The following ARID4B variants were observed in gnomAD, a reference collection of about 807,000 sequenced individuals.
ARID4B encodes AT-rich interaction domain 4B.
ARID4B carries 26 observed loss-of-function variants against 147.5 expected under a neutral mutation model. The ratio of observed to expected loss-of-function variants is 0.18; its 90% confidence interval spans 0.13 to 0.24. The LOEUF is 0.24. Ranked by LOEUF, ARID4B falls within the 10% of genes least tolerant of loss-of-function variation. ARID4B has a pLI of 1.00. For synonymous variants in ARID4B, 512 were observed against 507.9 expected (o/e 1.01, Z -0.11); for missense variants, 1,179 against 1,511.5 (o/e 0.78, Z 3.65).
At chr1:235,287,857 G>T (rs1933251) in intron 2 of ARID4B, among the ~76,000 whole-genome samples, 69,964 of 151,950 alleles carry the variant, frequency 0.46, 16,440 homozygotes, top group South Asian at 0.6. Flanking sequence ...ACATCCCTCG[G>T]GGACATAACT....
intron 19 of ARID4B, among the ~76,000 whole-genome samples, chr1:235,188,078 T>G (rs559007181): frequency 9.3e-4 from 142 of 152,232 alleles, no homozygotes; most frequent in African/African-American, 3.3e-3. Context: ...TGTGAGTGTC[T>G]ATTACACATA....
At chr1:235,268,985 A>G (rs541088736) in intron 2 of ARID4B, among the ~76,000 whole-genome samples, 2 of 152,304 alleles carry the variant, frequency 1.3e-5, no homozygotes, top group South Asian at 2.1e-4. Context: ...CAAATGGGGG[A>G]AAGTTTGAGC....
At chr1:235,215,727 C>A (rs1558210585) in intron 16 of ARID4B, among the ~76,000 whole-genome samples, 1 of 151,724 alleles carries the variant, frequency 6.6e-6, no homozygotes, top group African/African-American at 2.4e-5. Context: ...GGACTACAGG[C>A]ACACACCACC....
chr1:235,252,682 C>A, intron 6 of ARID4B, 48 bp downstream of exon 6: 1 of 1,546,832 alleles, frequency 6.5e-7, no homozygotes, highest in Non-Finnish European at 8.8e-7. Context: ...ATTTATTCCT[C>A]CCAATAAAAA....
chr1:235,260,365 A>C (rs1377464038), intron 3 of ARID4B, among the ~76,000 whole-genome samples: 6 of 152,330 alleles, frequency 3.9e-5, no homozygotes, highest in Admixed American at 3.3e-4. Context: ...GAAGCAATTA[A>C]ACTAGATGAC....
intron 2 of ARID4B, among the ~76,000 whole-genome samples, chr1:235,307,736 G>A (rs1673682944): frequency 6.6e-6 from 1 of 152,206 alleles, no homozygotes; most frequent in Non-Finnish European, 1.5e-5. Flanking sequence ...AAAATTACTT[G>A]TGGCAATATA....
At position 235,231,144 on chromosome 1, in the gene ARID4B, A is replaced by G. The variant is rs1668201714; in HGVS notation, c.711T>C (p.Thr237=). The change falls in exon 10 of 24, where the codon ACT becomes ACC. Residue 237 remains threonine, a synonymous_variant. Coordinates refer to ENST00000264183, the MANE Select transcript of ARID4B (RefSeq NM_016374.6). ...TTAAAACAGCATCAGGCTTTGGTGC[A>G]GTGTCACTAGTAATTTCATGGACAT... ...RKDVHEITSD[T]APKPDAVLKQ... 6.3e-7 allele frequency: 1 copy of G among 1,592,972 alleles called. No individual in the cohort carries two copies. Among genetic ancestry groups the G allele is most frequent in the South Asian group, 1.2e-5 (1 of 85,764 alleles).
chr1:235,267,608 G>A (rs1476051227), intron 2 of ARID4B, among the ~76,000 whole-genome samples: 1 of 152,128 alleles, frequency 6.6e-6, no homozygotes, highest in Non-Finnish European at 1.5e-5. Context: ...CGAGGCGGGT[G>A]GATCACGAGG....
At chr1:235,194,646 C>A (rs1008229650) in intron 18 of ARID4B, among the ~76,000 whole-genome samples, 9 of 152,084 alleles carry the variant, frequency 5.9e-5, no homozygotes, top group Admixed American at 4.6e-4. Flanking sequence ...CATGGAGAAA[C>A]CCCGTCTCTA....
intron 2 of ARID4B, among the ~76,000 whole-genome samples, chr1:235,302,177 A>C (rs1397600121): frequency 9.2e-5 from 11 of 120,174 alleles, no homozygotes; most frequent in Non-Finnish European, 1.2e-4. Flanking sequence ...AAAAAAAAAA[A>C]CAGCAAAAAA....
At chr1:235,194,539 G>A (rs999476800) in intron 18 of ARID4B, among the ~76,000 whole-genome samples, 1 of 152,114 alleles carries the variant, frequency 6.6e-6, no homozygotes, top group Admixed American at 6.5e-5. Flanking sequence ...TAAAAAAAGA[G>A]GCCAGGTGAG....
intron 2 of ARID4B, 135 bp downstream of exon 2, chr1:235,326,779 G>T (rs771116646): frequency 1.3e-4 from 146 of 1,133,734 alleles, no homozygotes; most frequent in Non-Finnish European, 1.8e-4. Context: ...TCTCTCTGGG[G>T]AAGGGCTCGG....
chr1:235,267,766 T>C (rs1288452447), intron 2 of ARID4B, among the ~76,000 whole-genome samples: 2 of 152,038 alleles, frequency 1.3e-5, no homozygotes, highest in East Asian at 3.9e-4. Flanking sequence ...TAGCCGGGCA[T>C]GGTGGTGGGC....
intron 2 of ARID4B, among the ~76,000 whole-genome samples, chr1:235,324,657 C>T (rs1675095276): frequency 1.3e-5 from 2 of 152,210 alleles, no homozygotes. Flanking sequence ...AGAAATTACA[C>T]CAGGCACGGT....
At chr1:235,268,697 T>C (rs1006901006) in intron 2 of ARID4B, among the ~76,000 whole-genome samples, 3 of 152,072 alleles carry the variant, frequency 2.0e-5, no homozygotes, top group African/African-American at 7.2e-5. Context: ...TCCAGCTAAT[T>C]AGTAGAGACG....
intron 2 of ARID4B, among the ~76,000 whole-genome samples, chr1:235,285,318 G>T (rs1671904138): frequency 6.6e-6 from 1 of 152,174 alleles, no homozygotes; most frequent in African/African-American, 2.4e-5. Flanking sequence ...CTAAAATTCA[G>T]AAGTCAATGA....
intron 4 of ARID4B, 55 bp downstream of exon 4, chr1:235,257,105 T>C (rs972345614): frequency 8.4e-7 from 1 of 1,190,522 alleles, no homozygotes; most frequent in South Asian, 1.2e-5. Context: ...TAATACCAAG[T>C]ATGATTATTT....
chr1:235,302,277 G>GGGGAGGA (rs1558295619), intron 2 of ARID4B, among the ~76,000 whole-genome samples: 1,288 of 111,214 alleles, frequency 0.012, 24 homozygotes, highest in African/African-American at 0.04. Flanking sequence ...GGAGGGAGGG[G>GGGGAGGA]AGGAAGGAAG....
intron 2 of ARID4B, among the ~76,000 whole-genome samples, chr1:235,292,540 C>T (rs1392180069): frequency 6.6e-6 from 1 of 150,688 alleles, no homozygotes; most frequent in African/African-American, 2.4e-5. Flanking sequence ...CGCTTGAACC[C>T]GGGAGGCAGA....
Sources: gnomAD v4.1 joint callset for allele counts (sites outside exome capture counted in the v4.1 genomes callset) on GRCh38, gnomAD v4.1.1 for gene constraint, MANE v1.5 for transcripts, NCBI Gene and HGNC (gene_info 2026-07-23, HGNC 2026-07-21) for gene names.